Variants in STK32A observed in about 807,000 individuals in gnomAD.
The protein encoded by STK32A is serine/threonine-protein kinase 32A.
STK32A carries 41 observed loss-of-function variants against 53.2 expected under a neutral mutation model. The ratio of observed to expected loss-of-function variants is 0.77; its 90% CI spans 0.60 to 1.00. The LOEUF (loss-of-function observed/expected upper bound fraction) is 1.00, where lower values mean the gene tolerates loss of function less well. STK32A is among the 50% of genes least tolerant of loss of function. The pLI, the probability that STK32A is intolerant of heterozygous loss-of-function variation, is 0.00. For missense variants in STK32A, 458 were observed against 485.8 expected (o/e 0.94, Z 0.54); for synonymous variants, 166 against 162.8 (o/e 1.02, Z -0.15).
downstream of STK32A, among the ~76,000 whole-genome samples, chr5:147,389,771 T>TGA (rs1757753709): frequency 6.6e-6 from 1 of 152,118 alleles, no homozygotes; most frequent in Non-Finnish European, 1.5e-5. Context: ...CTCAGGAGAC[T>TGA]GAGACAGGAG....
intron 11 of STK32A, among the ~76,000 whole-genome samples, chr5:147,379,685 C>T (rs1360995331): frequency 6.6e-6 from 1 of 152,134 alleles, no homozygotes; most frequent in African/African-American, 2.4e-5. Context: ...GCCATGCCAC[C>T]CAGTCTGTCT....
intron 4 of STK32A, among the ~76,000 whole-genome samples, chr5:147,289,950 T>C (rs1019015293): frequency 3.9e-5 from 6 of 152,206 alleles, no homozygotes; most frequent in African/African-American, 1.4e-4. Context: ...TATATTTGAA[T>C]TTCAGATAAA....
chr5:147,370,329 A>G (rs1756953660), intron 8 of STK32A, among the ~76,000 whole-genome samples: 1 of 152,206 alleles, frequency 6.6e-6, no homozygotes, highest in Non-Finnish European at 1.5e-5. Flanking sequence ...TACTTATATA[A>G]TACCTTATAA....
intron 6 of STK32A, among the ~76,000 whole-genome samples, chr5:147,347,345 C>G (rs1436670933): frequency 6.6e-6 from 1 of 151,866 alleles, no homozygotes; most frequent in South Asian, 2.1e-4. Flanking sequence ...GGCAGAAACC[C>G]TCTCCTAGAG....
rs559965574 is a variant in STK32A at position 147,279,124 on chromosome 5, A to T, written c.109-123A>T. 1.5e-5 allele frequency: 12 copies of T among 825,568 alleles called. 1 individual carries two copies. In the South Asian group the frequency reaches 4.4e-4, roughly 30 times the overall value. The allele number at this position is 825,568 out of a possible 1,614,324, so 51.1% of individuals were successfully genotyped here. On this transcript the variant is annotated intron_variant, in intron 3 of 12. Coordinates refer to ENST00000397936, the MANE Select transcript of STK32A (RefSeq NM_001112724.2). ...AATCAGAGCTAAGTGGGAGCTTTTAACATCATATAATTTGCAAATGTTAAG... is the reference window on the plus strand; with the variant it reads ...AATCAGAGCTAAGTGGGAGCTTTTATCATCATATAATTTGCAAATGTTAAG...
chr5:147,372,820 C>T (rs1757057760), intron 9 of STK32A, among the ~76,000 whole-genome samples: 1 of 152,106 alleles, frequency 6.6e-6, no homozygotes, highest in African/African-American at 2.4e-5. Flanking sequence ...TAAATAGCCT[C>T]CCACTAATCC....
intron 10 of STK32A, among the ~76,000 whole-genome samples, chr5:147,374,136 A>C (rs979561285): frequency 1.3e-5 from 2 of 151,966 alleles, no homozygotes; most frequent in Admixed American, 1.3e-4. Context: ...AAAGAAAAAA[A>C]AATTAGGCAG....
intron 2 of STK32A, among the ~76,000 whole-genome samples, chr5:147,269,877 C>T (rs562953059): frequency 2.6e-5 from 4 of 152,256 alleles, no homozygotes; most frequent in South Asian, 2.1e-4. Context: ...ATCACTATGG[C>T]GTGACTGCAT....
intron 5 of STK32A, among the ~76,000 whole-genome samples, chr5:147,340,911 A>C (rs1755372745): frequency 6.6e-6 from 1 of 152,226 alleles, no homozygotes; most frequent in African/African-American, 2.4e-5. Flanking sequence ...AATGAATACA[A>C]GATTTAATTA....
intron 2 of STK32A, among the ~76,000 whole-genome samples, chr5:147,273,104 TATAAC>T (rs1208642899): frequency 6.6e-6 from 1 of 152,210 alleles, no homozygotes; most frequent in Non-Finnish European, 1.5e-5. Flanking sequence ...ATCAGGGTGT[TATAAC>T]AGACTCTAAA....
intron 7 of STK32A, among the ~76,000 whole-genome samples, chr5:147,352,756 C>T (rs891493366): frequency 6.6e-6 from 1 of 152,106 alleles, no homozygotes; most frequent in African/African-American, 2.4e-5. Flanking sequence ...CCTGGTTGGC[C>T]ATGGAAGTTT....
At position 147,362,583 on chromosome 5, in the gene STK32A, T is replaced by C. The variant is rs141721358; in HGVS notation, c.660+969T>C. ...GACACAAACATTCAGTCCATGACAT[T>C]CTATCCTTGACCCCTCCAATATTCA... On this transcript the variant is annotated intron_variant, in intron 8 of 12. Transcript: ENST00000397936. Among the ~76,000 whole-genome samples, 28 of 152,314 alleles carry C rather than the reference T, an allele frequency of 1.8e-4. No individual in the cohort carries two copies. The East Asian group carries it at 5.2e-3, about 28-fold the overall frequency.
chr5:147,397,998 G>C, the STK32A span, among the ~76,000 whole-genome samples: 1 of 152,300 alleles, frequency 6.6e-6, no homozygotes, highest in African/African-American at 2.4e-5. Context: ...GTGGGTAGAA[G>C]GCACCGGAGA....
intron 2 of STK32A, among the ~76,000 whole-genome samples, chr5:147,259,882 TC>T: frequency 1.2e-5 from 1 of 80,970 alleles, no homozygotes. Context: ...CTCTCTCCTG[TC>T]TCTCTCTTTC....
intron 4 of STK32A, among the ~76,000 whole-genome samples, chr5:147,310,505 C>T (rs778724194): frequency 9.9e-5 from 15 of 152,244 alleles, no homozygotes; most frequent in South Asian, 2.1e-4. Context: ...TGACTCAGCA[C>T]GCCGGGCACC....
intron 4 of STK32A, among the ~76,000 whole-genome samples, chr5:147,294,666 A>C (rs1008517841): frequency 6.6e-6 from 1 of 150,638 alleles, no homozygotes; most frequent in African/African-American, 2.4e-5. Flanking sequence ...TCTTATATCT[A>C]GTCATTTTTT....
chr5:147,340,502 T>C (rs1473353180), intron 5 of STK32A, among the ~76,000 whole-genome samples: 1 of 152,230 alleles, frequency 6.6e-6, no homozygotes. Flanking sequence ...CTAGAAAATC[T>C]CAACTTGCTC....
chr5:147,239,571 G>A lies in STK32A; in HGVS notation c.-64G>A, dbSNP rs1043130808. 1.2e-5 allele frequency: 15 copies of A among 1,299,860 alleles called. No homozygotes were observed. Among genetic ancestry groups the A allele is most frequent in the Non-Finnish European group, 1.5e-5 (14 of 926,124 alleles). The allele number at this position is 1,299,860 out of a possible 1,614,324, so 80.5% of individuals were successfully genotyped here. A position where few individuals can be genotyped will look rare whatever the true frequency, so the allele number is the denominator to read the frequency against. The stretch of plus-strand genomic sequence containing the variant: ...ACTAAGGCTTCGGGACATGTTTTGA[G>A]CGAAGATGGGTGTTTCTGCCCGGAT... On this transcript the variant is annotated 5_prime_UTR_variant, in exon 2 of 13. Transcript: ENST00000397936.
intron 5 of STK32A, among the ~76,000 whole-genome samples, chr5:147,340,465 G>T (rs1755351768): frequency 1.3e-5 from 2 of 152,148 alleles, no homozygotes; most frequent in Non-Finnish European, 2.9e-5. Flanking sequence ...GACTGAAAAG[G>T]TAAAGAAGTG....
Sources: allele counts gnomAD v4.1 joint callset (sites outside exome capture counted in the v4.1 genomes callset), GRCh38; gene constraint gnomAD v4.1.1; transcripts MANE v1.5; gene names NCBI Gene and HGNC (gene_info 2026-07-23, HGNC 2026-07-21).